The following ATAD2 variants were observed in gnomAD, a reference collection of about 807,000 sequenced individuals.
ATAD2 encodes ATPase family AAA domain-containing protein 2.
In ATAD2, 62 loss-of-function variants were observed where a neutral mutation model predicts 168.9. That is an observed-to-expected ratio of 0.37 (90% CI 0.30 to 0.45). ATAD2 has a LOEUF of 0.45. ATAD2 is among the 20% of genes least tolerant of loss of function. The pLI is 1.00. For synonymous variants in ATAD2, 613 were observed against 571.6 expected (o/e 1.07, Z -1.03); for missense variants, 1,419 against 1,667.8 (o/e 0.85, Z 2.60).
intron 19 of ATAD2, among the ~76,000 whole-genome samples, chr8:123,344,344 C>CTTTTTTT (rs764379399): frequency 7.9e-6 from 1 of 125,862 alleles, no homozygotes; most frequent in African/African-American, 3.1e-5. Context: ...TTTTTAAATA[C>CTTTTTTT]TTTTTTTTTT....
At chr8:123,393,128 T>C (rs1586907283) in intron 1 of ATAD2, among the ~76,000 whole-genome samples, 1 of 146,300 alleles carries the variant, frequency 6.8e-6, no homozygotes, top group Admixed American at 7.1e-5. Flanking sequence ...GAGCTTGCAG[T>C]GAGCCGAGAT....
At chr8:123,358,931 T>G (rs1482371040) in intron 11 of ATAD2, among the ~76,000 whole-genome samples, 1 of 150,684 alleles carries the variant, frequency 6.6e-6, no homozygotes, top group African/African-American at 2.4e-5. Context: ...CTCAAACTCC[T>G]GAGCTCAGGT....
chr8:123,347,203 GTGCC>G lies in ATAD2; in HGVS notation c.2097_2100del (p.Gln699HisfsTer6), dbSNP rs1212745512. ...AGGAGTGGTTTCACAACGGTGGACA[GTGCC>G]TGCCCAGGTGATGTCACAGCTCTTT... On this transcript the variant is annotated frameshift_variant, in exon 16 of 28. Transcript: ENST00000287394. LOFTEE classifies it high-confidence loss of function. 1.2e-6 allele frequency: 2 copies of G among 1,614,206 alleles called. No individual in the cohort carries two copies. Among genetic ancestry groups the G allele is most frequent in the Non-Finnish European group, 1.7e-6 (2 of 1,180,034 alleles).
At chr8:123,401,384 T>C (rs939495676), upstream of ATAD2, 6 of 1,404,348 alleles carry the variant, frequency 4.3e-6, no homozygotes, top group African/African-American at 7.1e-5. Context: ...GTCGACGTCA[T>C]AGTCTTGGAC....
At chr8:123,357,011 G>A (rs1229947169) in intron 12 of ATAD2, among the ~76,000 whole-genome samples, 1 of 152,098 alleles carries the variant, frequency 6.6e-6, no homozygotes, top group Non-Finnish European at 1.5e-5. Flanking sequence ...AAGAATAGAA[G>A]ACAGTGACAT....
At chr8:123,412,837 C>T (rs1389069807) in intron 1 of ATAD2, among the ~76,000 whole-genome samples, 4 of 152,156 alleles carry the variant, frequency 2.6e-5, no homozygotes, top group Non-Finnish European at 4.4e-5. Flanking sequence ...AGCATGGCTT[C>T]TAGCAGTATA....
At chr8:123,341,014 C>T (rs150527984) in intron 19 of ATAD2, among the ~76,000 whole-genome samples, 3 of 151,550 alleles carry the variant, frequency 2.0e-5, no homozygotes, top group Middle Eastern at 3.2e-3. Context: ...GCAATCTCGA[C>T]TCACTGCAGC....
Position 123,357,696 on chromosome 8 carries a change from G to C in ATAD2, c.1423C>G (p.Leu475Val). The C allele has an allele frequency of 6.2e-7, 1 of 1,612,064 alleles. No homozygotes were observed. The highest frequency in any genetic ancestry group is 8.5e-7 in the Non-Finnish European group (1 of 1,179,374). ...FYGPPGTGKT[L>V]VARALANECS... Reference sequence around the variant, plus strand: ...TCATTGGCAAGTGCTCTGGCAACCAGAGTCTTTCCAGTTCCAGGTGGCCCA... The same window carrying C: ...TCATTGGCAAGTGCTCTGGCAACCACAGTCTTTCCAGTTCCAGGTGGCCCA... The change falls in exon 12 of 28, where the codon CTG becomes GTG. Residue 475 changes from leucine to valine, a missense_variant. Physicochemically the swap from Leu to Val is conservative, Grantham distance 32. Transcript: ENST00000287394.
Position 123,346,148 on chromosome 8 carries a change from T to C in ATAD2, c.2470A>G (p.Thr824Ala), listed in dbSNP as rs1334238467. 5.6e-6 allele frequency: 9 copies of C among 1,612,382 alleles called. No individual in the cohort carries two copies. Among genetic ancestry groups the C allele is most frequent in the African/African-American group, 1.3e-5 (1 of 74,900 alleles). Reference sequence around the variant, plus strand: ...CCAAAAAGAACAGGAATGTCTAATGTATATACAGTAAACTTTTCCAAAGCA... The same window carrying C: ...CCAAAAAGAACAGGAATGTCTAATGCATATACAGTAAACTTTTCCAAAGCA... ...IHALEKFTVY[T>A]LDIPVLFGVS... Residue 824 changes from threonine to alanine, a missense_variant, in exon 18 of 28, where the codon ACA becomes GCA. Transcript: ENST00000287394.
chr8:123,397,061 C>T (rs544657175), upstream of ATAD2, among the ~76,000 whole-genome samples: 4 of 151,840 alleles, frequency 2.6e-5, no homozygotes, highest in South Asian at 2.1e-4. Context: ...GGTTCTGTAC[C>T]CATCTTTGCC....
Position 123,334,188 on chromosome 8 carries a change from T to A in ATAD2, c.3334+12A>T, listed in dbSNP as rs190958325. 3 of 1,571,036 alleles carry A rather than the reference T, an allele frequency of 1.9e-6. No individual in the cohort carries two copies. In the East Asian group the frequency reaches 6.7e-5, roughly 35 times the overall value. On this transcript the variant is annotated intron_variant, in intron 23 of 27. Transcript: ENST00000287394. ...ATTAGGTTGGTACAAATCAACCAAA[T>A]CACTTTCCTACCTCTTTTCTTTCTA...
Position 123,347,385 on chromosome 8 carries a change from T to C in ATAD2, c.1919A>G (p.Lys640Arg), listed in dbSNP as rs746804151. The C allele has an allele frequency of 1.2e-6, 2 of 1,612,444 alleles. No individual in the cohort carries two copies. Among genetic ancestry groups the C allele is most frequent in the Non-Finnish European group, 1.7e-6 (2 of 1,179,338 alleles). The change falls in exon 16 of 28, where the codon AAA (lysine) becomes AGA (arginine). Residue 640 changes from lysine to arginine, a missense_variant. Physicochemically the swap from Lys to Arg is conservative, Grantham distance 26. Coordinates refer to ENST00000287394, the MANE Select transcript of ATAD2 (RefSeq NM_014109.4). ...TAAAGCAGCTTCAGCACATATTGAT[T>C]TAATATCTGCTCCACAGTATCCTAT... ...NCVGYCGADI[K>R]SICAEAALCA...
chr8:123,330,597 C>T (rs1388542882), intron 24 of ATAD2, among the ~76,000 whole-genome samples: 6 of 151,700 alleles, frequency 4.0e-5, no homozygotes, highest in South Asian at 4.2e-4. Context: ...CACATGACCT[C>T]GTGATCCGCC....
intron 25 of ATAD2, 119 bp from the exon 26 acceptor site, chr8:123,326,145 T>C (rs1307315732): frequency 1.9e-6 from 2 of 1,078,312 alleles, no homozygotes; most frequent in East Asian, 2.6e-5. Flanking sequence ...ACAGCAATTC[T>C]GGCTTATTAA....
chr8:123,344,708 A>C, intron 19 of ATAD2, 176 bp downstream of exon 19: 3 of 675,132 alleles, frequency 4.4e-6, no homozygotes, highest in Non-Finnish European at 7.6e-6. Context: ...ACACATATAC[A>C]TATACCATCT....
In ATAD2 at chr8:123,331,703, C is replaced by G. The variant is rs140255131; in HGVS notation, c.3478+2175G>C. ...CTTCTTGGGAGCACTTCCAGCATTA[C>G]TAGTGGCACCTCCTATGTGTCCTAT... On this transcript the variant is annotated intron_variant, in intron 24 of 27. Coordinates refer to ENST00000287394, the MANE Select transcript of ATAD2 (RefSeq NM_014109.4). 2.0e-3 allele frequency among the ~76,000 whole-genome samples: 309 copies of G among 152,324 alleles called. 1 individual carries two copies. Among genetic ancestry groups the G allele is most frequent in the African/African-American group, 7.1e-3 (295 of 41,574 alleles).
At chr8:123,353,295 T>C (rs142189830) in intron 13 of ATAD2, among the ~76,000 whole-genome samples, 1,815 of 151,700 alleles carry the variant, frequency 0.012, 41 homozygotes, top group African/African-American at 0.042. Flanking sequence ...ACCTGGGAGG[T>C]GGAGGTTGCA....
intron 1 of ATAD2, among the ~76,000 whole-genome samples, chr8:123,406,498 C>G (rs1049175975): frequency 6.6e-6 from 1 of 151,224 alleles, no homozygotes; most frequent in African/African-American, 2.4e-5. Context: ...TTCCTTTATT[C>G]TCTCTTTATA....
intron 1 of ATAD2, among the ~76,000 whole-genome samples, chr8:123,407,093 G>T (rs780063837): frequency 6.6e-6 from 1 of 152,158 alleles, no homozygotes; most frequent in Non-Finnish European, 1.5e-5. Context: ...GGCAGAGATT[G>T]CAGTGATGTG....
Sources: allele counts gnomAD v4.1 joint callset (sites outside exome capture counted in the v4.1 genomes callset), GRCh38; gene constraint gnomAD v4.1.1; transcripts MANE v1.5; gene names NCBI Gene and HGNC (gene_info 2026-07-23, HGNC 2026-07-21).